The following UNC5D variants were observed in gnomAD, a reference collection of about 807,000 sequenced individuals.
UNC5D encodes the protein netrin receptor UNC5D.
Under a neutral mutation model 105.4 loss-of-function variants are expected in UNC5D, and 39 were observed. The observed-to-expected ratio is 0.37, with a 90% CI of 0.29 to 0.48. UNC5D has a LOEUF of 0.48. Among genes scored for constraint, UNC5D ranks in the 20% least tolerant of loss-of-function variants. The pLI, the probability that UNC5D is intolerant of heterozygous loss-of-function variation, is 0.98. For synonymous variants in UNC5D, 452 were observed against 450.4 expected (o/e 1.00, Z -0.04); for missense variants, 991 against 1,202.4 (o/e 0.82, Z 2.60).
At chr8:35,386,039 T>C (rs1268160467) in intron 1 of UNC5D, among the ~76,000 whole-genome samples, 2 of 152,150 alleles carry the variant, frequency 1.3e-5, no homozygotes, top group Non-Finnish European at 2.9e-5. Context: ...CATGAAATAA[T>C]TGTTGTTCAT....
At chr8:35,458,851 G>A (rs1041529844) in intron 1 of UNC5D, among the ~76,000 whole-genome samples, 6 of 152,110 alleles carry the variant, frequency 3.9e-5, no homozygotes, top group South Asian at 2.1e-4. Context: ...AATTTTCTTC[G>A]AAGACGTCTT....
In UNC5D at chr8:35,644,524, C is replaced by A. The variant is rs544949346; in HGVS notation, c.571-39023C>A. Among the ~76,000 whole-genome samples, 4 of 152,182 alleles carry A rather than the reference C, an allele frequency of 2.6e-5. No individual in the cohort carries two copies. The South Asian group carries it at 6.2e-4, about 24-fold the overall frequency. On this transcript the variant is annotated intron_variant, in intron 4 of 16. Transcript: ENST00000404895. Reference sequence around the variant, plus strand: ...CCCAGAATGAAAAGCTTCTCATCACCTTTAGTTCCTGCATCCACAATCTAG... The same window carrying A: ...CCCAGAATGAAAAGCTTCTCATCACATTTAGTTCCTGCATCCACAATCTAG...
intron 4 of UNC5D, among the ~76,000 whole-genome samples, chr8:35,598,320 C>T (rs548940469): frequency 6.6e-6 from 1 of 152,308 alleles, no homozygotes; most frequent in African/African-American, 2.4e-5. Flanking sequence ...TTTGTGCTTA[C>T]TCTTCTTCAT....
chr8:35,526,119 T>G (rs1813852131), intron 1 of UNC5D, among the ~76,000 whole-genome samples: 1 of 152,240 alleles, frequency 6.6e-6, no homozygotes, highest in South Asian at 2.1e-4. Flanking sequence ...TTTAAGTCTA[T>G]GGTTACCAAT....
intron 4 of UNC5D, among the ~76,000 whole-genome samples, chr8:35,640,002 G>A (rs764413977): frequency 3.3e-5 from 5 of 152,010 alleles, no homozygotes; most frequent in Non-Finnish European, 7.4e-5. Flanking sequence ...TGGGATTACA[G>A]CCATGAGCCA....
At chr8:35,511,859 C>T (rs1812734274) in intron 1 of UNC5D, among the ~76,000 whole-genome samples, 1 of 152,156 alleles carries the variant, frequency 6.6e-6, no homozygotes, top group African/African-American at 2.4e-5. Flanking sequence ...TTGATCTAAA[C>T]TCAAGCTGTC....
chr8:35,281,753 T>A (rs1483288873), intron 1 of UNC5D, among the ~76,000 whole-genome samples: 1 of 152,224 alleles, frequency 6.6e-6, no homozygotes, highest in East Asian at 1.9e-4. Context: ...TCTTGCATCT[T>A]CATTACGATG....
intron 3 of UNC5D, among the ~76,000 whole-genome samples, chr8:35,590,544 CT>C (rs1411027845): frequency 6.6e-6 from 1 of 151,994 alleles, no homozygotes; most frequent in African/African-American, 2.4e-5. Context: ...TTAAGTGTCT[CT>C]GAAAAATGCA....
chr8:35,756,237 A>G (rs937291314), intron 13 of UNC5D, among the ~76,000 whole-genome samples: 6 of 152,222 alleles, frequency 3.9e-5, no homozygotes, highest in South Asian at 2.1e-4. Context: ...TTAATTGTAT[A>G]TTGTTGGCTC....
intron 1 of UNC5D, among the ~76,000 whole-genome samples, chr8:35,346,173 G>T (rs1392825994): frequency 1.3e-5 from 2 of 151,996 alleles, no homozygotes; most frequent in Non-Finnish European, 2.9e-5. Context: ...GGAAGCCATG[G>T]TATCATGATT....
chr8:35,275,948 G>T (rs182885396), intron 1 of UNC5D, among the ~76,000 whole-genome samples: 3 of 152,274 alleles, frequency 2.0e-5, no homozygotes, highest in Admixed American at 6.5e-5. Context: ...AGATAAATGG[G>T]ATATGTCCAT....
chr8:35,535,675 GCCATTGTGT>G lies in UNC5D; in HGVS notation c.104-13616_104-13608del, dbSNP rs1814783223. On this transcript the variant is annotated intron_variant, in intron 1 of 16. Coordinates refer to ENST00000404895, the MANE Select transcript of UNC5D (RefSeq NM_080872.4). ...AAAATATTCAGGCATTTCCTAGAGT[GCCATTGTGT>G]AGACTGGGCTCTTGCTCTAGCAGTT... 2.6e-5 allele frequency among the ~76,000 whole-genome samples: 4 copies of G among 152,174 alleles called. No individual in the cohort carries two copies. The Middle Eastern group carries it at 0.014, about 518-fold the overall frequency.
intron 1 of UNC5D, among the ~76,000 whole-genome samples, chr8:35,414,536 C>T (rs7824542): frequency 0.42 from 64,217 of 151,420 alleles, 13,704 homozygotes; most frequent in East Asian, 0.54. Context: ...AACCCCAAAA[C>T]TAGGATCTAT....
chr8:35,525,129 A>G, intron 1 of UNC5D: 27 of 1,600,830 alleles, frequency 1.7e-5, no homozygotes, highest in Non-Finnish European at 2.2e-5. Flanking sequence ...AGCCACCACC[A>G]GCGCCTCCTT....
chr8:35,448,502 C>T (rs1807940015), intron 1 of UNC5D, among the ~76,000 whole-genome samples: 1 of 152,018 alleles, frequency 6.6e-6, no homozygotes, highest in Non-Finnish European at 1.5e-5. Flanking sequence ...TATTTAAAAA[C>T]CAGGCAGCAT....
chr8:35,581,834 AG>A (rs1267638144), intron 3 of UNC5D, among the ~76,000 whole-genome samples: 1 of 152,116 alleles, frequency 6.6e-6, no homozygotes, highest in African/African-American at 2.4e-5. Flanking sequence ...GATTCAGTAA[AG>A]GGACCACAGG....
chr8:35,766,834 G>A (rs533036271), intron 14 of UNC5D, 68 bp from the exon 15 acceptor site: 155 of 1,504,876 alleles, frequency 1.0e-4, no homozygotes, highest in Non-Finnish European at 8.2e-5. Context: ...TCACTATTAA[G>A]TCTCTCCTGT....
intron 1 of UNC5D, among the ~76,000 whole-genome samples, chr8:35,282,742 T>A (rs1243626055): frequency 2.1e-5 from 3 of 145,914 alleles, no homozygotes; most frequent in Non-Finnish European, 3.0e-5. Flanking sequence ...AAGCAGCATA[T>A]CCTTCTTTCC....
At chr8:35,326,716 C>T (rs1810189272) in intron 1 of UNC5D, among the ~76,000 whole-genome samples, 1 of 151,624 alleles carries the variant, frequency 6.6e-6, no homozygotes, top group Admixed American at 6.6e-5. Flanking sequence ...GTGATTGTGC[C>T]ATGCACTCCA....
Sources: gnomAD v4.1 joint callset for allele counts (sites outside exome capture counted in the v4.1 genomes callset) on GRCh38, gnomAD v4.1.1 for gene constraint, MANE v1.5 for transcripts, NCBI Gene and HGNC (gene_info 2026-07-23, HGNC 2026-07-21) for gene names.